LDLRAD4: variants seen among roughly 807,000 people sequenced by gnomAD.
LDLRAD4 encodes low density lipoprotein receptor class A domain containing 4.
In LDLRAD4, 5 loss-of-function variants were observed where a neutral mutation model predicts 17.0. The ratio of observed to expected loss-of-function variants is 0.29; its 90% CI spans 0.15 to 0.62. The LOEUF (loss-of-function observed/expected upper bound fraction) is 0.62. Among genes scored for constraint, LDLRAD4 ranks in the 20% least tolerant of loss-of-function variants. The pLI is 0.84. For synonymous variants in LDLRAD4, 168 were observed against 171.8 expected (o/e 0.98, Z 0.17); for missense variants, 340 against 424.7 (o/e 0.80, Z 1.75).
intron 3 of LDLRAD4, among the ~76,000 whole-genome samples, chr18:13,576,439 A>G (rs1158902250): frequency 2.4e-5 from 2 of 84,970 alleles, no homozygotes; most frequent in African/African-American, 6.0e-5. Flanking sequence ...AAAAAAAAAA[A>G]AGAAAGAAAG....
intron 1 of LDLRAD4, among the ~76,000 whole-genome samples, chr18:13,265,545 C>T (rs954425376): frequency 1.9e-4 from 29 of 152,214 alleles, no homozygotes; most frequent in Admixed American, 6.5e-5. Context: ...TGAATAGCTC[C>T]ATGCACCCAG....
At chr18:13,637,217 T>C (rs2042158747) in intron 4 of LDLRAD4, among the ~76,000 whole-genome samples, 1 of 152,082 alleles carries the variant, frequency 6.6e-6, no homozygotes. Flanking sequence ...TCTGCTGAGG[T>C]TTGTAGTCAT....
At chr18:13,473,428 G>A (rs9962382) in intron 3 of LDLRAD4, among the ~76,000 whole-genome samples, 7,492 of 151,904 alleles carry the variant, frequency 0.049, 635 homozygotes, top group African/African-American at 0.17. Flanking sequence ...CCAGCACTTT[G>A]GGAAGCTGAG....
chr18:13,321,895 A>G (rs1315443192), intron 1 of LDLRAD4, among the ~76,000 whole-genome samples: 9 of 118,950 alleles, frequency 7.6e-5, no homozygotes, highest in African/African-American at 3.1e-4. Flanking sequence ...AAAAAAAAAA[A>G]AAAAAAAGAA....
chr18:13,319,569 ACT>A lies in LDLRAD4; in HGVS notation c.-383+41387_-383+41388del, dbSNP rs1280874497. Among the ~76,000 whole-genome samples the A allele has an allele frequency of 5.3e-5, 8 of 152,224 alleles. No homozygotes were observed. The East Asian group carries it at 1.4e-3, about 26-fold the overall frequency. On this transcript the variant is annotated intron_variant, in intron 1 of 5. Transcript: ENST00000359446. ...TCTCTCTAAAAGTTATCACTAGATGACTCTCTCATTTTTGTGTGTGCGTGTTT... is the reference window on the plus strand; with the variant it reads ...TCTCTCTAAAAGTTATCACTAGATGACTCTCATTTTTGTGTGTGCGTGTTT...
rs186535802 is a variant in LDLRAD4, at chr18:13,514,038, C to T, written c.181+75654C>T. 5.7e-4 allele frequency among the ~76,000 whole-genome samples: 87 copies of T among 152,284 alleles called. 3 individuals carry two copies. In the East Asian group the frequency reaches 0.011, roughly 19 times the overall value. Reference sequence around the variant, plus strand: ...GTCCCAACAGACTTTTGCCTCTTGCCAGGAAGTTGGAGAGATTGGAGATTA... The same window carrying T: ...GTCCCAACAGACTTTTGCCTCTTGCTAGGAAGTTGGAGAGATTGGAGATTA... On this transcript the variant is annotated intron_variant, in intron 3 of 5. Coordinates refer to ENST00000359446, the Ensembl canonical transcript of LDLRAD4.
chr18:13,478,639 A>G (rs550670773), intron 3 of LDLRAD4, among the ~76,000 whole-genome samples: 4 of 152,380 alleles, frequency 2.6e-5, no homozygotes, highest in African/African-American at 4.8e-5. Context: ...AAAGAAGTCA[A>G]TGGAGAAATA....
At chr18:13,508,365 G>A (rs143513708) in intron 3 of LDLRAD4, among the ~76,000 whole-genome samples, 62 of 152,320 alleles carry the variant, frequency 4.1e-4, no homozygotes, top group African/African-American at 1.1e-3. Flanking sequence ...GAAGGTGGCT[G>A]CACTAAATAA....
At chr18:13,313,893 T>TTTTTAA (rs1387062798) in intron 1 of LDLRAD4, among the ~76,000 whole-genome samples, 2 of 152,058 alleles carry the variant, frequency 1.3e-5, no homozygotes, top group African/African-American at 4.8e-5. Context: ...GTTTGTTTGG[T>TTTTTAA]TTTTATTTTT....
chr18:13,611,764 A>T, intron 3 of LDLRAD4: 1 of 985,676 alleles, frequency 1.0e-6, no homozygotes, highest in Non-Finnish European at 1.2e-6. Context: ...GAGGGAATGA[A>T]TGGGAGAGCC....
intron 2 of LDLRAD4, among the ~76,000 whole-genome samples, chr18:13,437,074 G>A (rs546363479): frequency 6.6e-6 from 1 of 152,362 alleles, no homozygotes; most frequent in East Asian, 1.9e-4. Flanking sequence ...CCCCACACAT[G>A]GTTAGCATCG....
chr18:13,367,731 C>T lies in LDLRAD4; in HGVS notation c.-382-19610C>T, dbSNP rs762728250. 5.9e-5 allele frequency among the ~76,000 whole-genome samples: 9 copies of T among 151,270 alleles called. No individual in the cohort carries two copies. Among genetic ancestry groups the T allele is most frequent in the Non-Finnish European group, 7.4e-5 (5 of 67,864 alleles). On this transcript the variant is annotated intron_variant, in intron 1 of 5. Coordinates refer to ENST00000359446, the Ensembl canonical transcript of LDLRAD4. This position sits in a 1 kb window ranked among gnomAD's most constrained non-coding sequence, Gnocchi z 4.1. Reference sequence around the variant, plus strand: ...AAGGGATATACCGAGAGGAGACAGCCGAGCCCGGGGGGCATGCACTGTCAA... The same window carrying T: ...AAGGGATATACCGAGAGGAGACAGCTGAGCCCGGGGGGCATGCACTGTCAA...
intron 2 of LDLRAD4, among the ~76,000 whole-genome samples, chr18:13,418,931 A>G (rs1300926273): frequency 6.6e-6 from 1 of 152,180 alleles, no homozygotes; most frequent in South Asian, 2.1e-4. Context: ...TTTTATATAA[A>G]TGAATACATA....
intron 1 of LDLRAD4, among the ~76,000 whole-genome samples, chr18:13,371,883 G>A (rs1024365820): frequency 3.9e-5 from 6 of 152,264 alleles, no homozygotes; most frequent in African/African-American, 7.2e-5. Flanking sequence ...TATGAAGGAA[G>A]TTTCATTATA....
chr18:13,256,279 A>AG (rs1290096072), intron 1 of LDLRAD4, among the ~76,000 whole-genome samples: 1 of 152,160 alleles, frequency 6.6e-6, no homozygotes, highest in Non-Finnish European at 1.5e-5. Flanking sequence ...CTGCCATTTG[A>AG]GGTGAGTCCT....
intron 3 of LDLRAD4, among the ~76,000 whole-genome samples, chr18:13,480,262 A>G (rs1313605017): frequency 6.6e-6 from 1 of 152,230 alleles, no homozygotes; most frequent in East Asian, 1.9e-4. Context: ...TTTTCAAGCT[A>G]TGAAAAGACA....
At chr18:13,405,007 C>T (rs1350535783) in intron 2 of LDLRAD4, among the ~76,000 whole-genome samples, 2 of 152,016 alleles carry the variant, frequency 1.3e-5, no homozygotes, top group African/African-American at 2.4e-5. Flanking sequence ...GGTGTGACCT[C>T]TGTGAACCCT....
chr18:13,580,919 T>A (rs1193309790), intron 3 of LDLRAD4, among the ~76,000 whole-genome samples: 1 of 152,240 alleles, frequency 6.6e-6, no homozygotes, highest in Non-Finnish European at 1.5e-5. Context: ...ATTGAATAAT[T>A]GCCAGGTTGC....
intron 3 of LDLRAD4, among the ~76,000 whole-genome samples, chr18:13,518,024 G>A (rs1476294252): frequency 6.6e-6 from 1 of 152,176 alleles, no homozygotes; most frequent in Non-Finnish European, 1.5e-5. Flanking sequence ...GTGAGCCACC[G>A]CGCCCGGCCA....
Sources: allele counts gnomAD v4.1 joint callset (sites outside exome capture counted in the v4.1 genomes callset), GRCh38; gene constraint gnomAD v4.1.1; non-coding constraint Gnocchi (gnomAD v3.1); transcripts MANE v1.5; gene names NCBI Gene and HGNC (gene_info 2026-07-23, HGNC 2026-07-21).